The following HAL variants were observed in gnomAD, a reference collection of about 807,000 sequenced individuals.
The protein encoded by HAL is histidase.
Under a neutral mutation model 81.1 loss-of-function variants are expected in HAL, and 85 were observed. The observed-to-expected ratio is 1.05, with a 90% CI of 0.88 to 1.25. The LOEUF (loss-of-function observed/expected upper bound fraction) is 1.25, where lower values mean the gene tolerates loss of function less well. Among genes scored for constraint, HAL ranks in the 50% most tolerant of loss-of-function variants. The probability of loss-of-function intolerance (pLI) is 0.00; values close to 1 mark genes in which losing one functional copy is unlikely to be tolerated. For missense variants in HAL, 798 were observed against 836.6 expected (o/e 0.95, Z 0.57); for synonymous variants, 301 against 309.2 (o/e 0.97, Z 0.28).
At chr12:95,984,083 G>A (rs80039239) in intron 14 of HAL, 92 bp from the exon 15 acceptor site, 12 of 727,060 alleles carry the variant, frequency 1.7e-5, no homozygotes, top group East Asian at 2.7e-5. Flanking sequence ...TTATCTTAAA[G>A]TTATAAAGAA....
chr12:95,994,068 T>C, intron 5 of HAL, 22 bp downstream of exon 5: 1 of 1,605,386 alleles, frequency 6.2e-7, no homozygotes, highest in Non-Finnish European at 8.5e-7. Flanking sequence ...CCAGAGGACA[T>C]CTTTCCCCTC....
In HAL at chr12:95,988,192, C is replaced by A. The variant is rs147696850; in HGVS notation, c.903+1G>T. 5 of 1,446,430 alleles carry A rather than the reference C, an allele frequency of 3.5e-6. No individual in the cohort carries two copies. The highest frequency in any genetic ancestry group is 2.3e-5 in the East Asian group (1 of 44,072). The allele number at this position is 1,446,430 out of a possible 1,614,324, so 89.6% of individuals were successfully genotyped here. ...AACATATTTTTCTTGAGTTTCCTTA[C>A]CTCTTTTGGTTTTAAAATAACTGGT... On this transcript the variant is annotated splice_donor_variant, in intron 11 of 20. Coordinates refer to ENST00000261208, the MANE Select transcript of HAL (RefSeq NM_002108.4). LOFTEE classifies it high-confidence loss of function.
rs1457096098 is a variant in HAL at position 95,993,968 on chromosome 12, T to A, written c.442A>T (p.Lys148Ter). ...LTPTAEKRVQ[K>*]SREVIDSIIK... ...ATGCTATCTATGACCTCCCTGGATTTCTGCACCCTCTTCTCAGCTGTTGGG... is the reference window on the plus strand; with the variant it reads ...ATGCTATCTATGACCTCCCTGGATTACTGCACCCTCTTCTCAGCTGTTGGG... Residue 148 changes from lysine (K) to a stop codon, truncating the protein, a stop_gained, in exon 6 of 21, where the codon AAA (lysine) becomes TAA (stop). Transcript: ENST00000261208. LOFTEE classifies it high-confidence loss of function. The A allele has an allele frequency of 6.2e-7, 1 of 1,611,710 alleles. No individual in the cohort carries two copies. Among genetic ancestry groups the A allele is most frequent in the East Asian group, 2.2e-5 (1 of 44,888 alleles).
At position 95,996,007 on chromosome 12, in the gene HAL, T is replaced by C. The variant is rs1950032272; in HGVS notation, c.-81-16A>G. On this transcript the variant is annotated splice_polypyrimidine_tract_variant and intron_variant, in intron 1 of 20. Transcript: ENST00000261208. ...GTGTGGTCAGCTGGAAGGATGAGAA[T>C]AGACTTTCAAACCACTCCCCCTCCT... The C allele has an allele frequency of 6.3e-6, 8 of 1,266,358 alleles. No individual in the cohort carries two copies. The highest frequency in any genetic ancestry group is 2.9e-5 in the African/African-American group (2 of 68,270). The allele number at this position is 1,266,358 out of a possible 1,614,324, so 78.4% of individuals were successfully genotyped here.
At chr12:95,986,810 C>A (rs1273177213) in intron 12 of HAL, among the ~76,000 whole-genome samples, 3 of 152,092 alleles carry the variant, frequency 2.0e-5, no homozygotes, top group African/African-American at 7.2e-5. Context: ...CAGAGCTTGA[C>A]ACACCCAGAT....
At chr12:95,976,804 A>G (rs772517545) in intron 18 of HAL, 98 bp from the exon 19 acceptor site, 32 of 766,734 alleles carry the variant, frequency 4.2e-5, no homozygotes, top group Middle Eastern at 7.0e-4. Flanking sequence ...CCACCCAACT[A>G]ACAGATGGTT....
chr12:95,979,058 G>A (rs1280908491), intron 17 of HAL, among the ~76,000 whole-genome samples: 6 of 152,080 alleles, frequency 3.9e-5, no homozygotes, highest in East Asian at 1.9e-4. Flanking sequence ...AGGCTTGTTC[G>A]GAAAGATAAC....
chr12:95,988,276 A>G, intron 10 of HAL, 36 bp from the exon 11 acceptor site: 2 of 1,024,856 alleles, frequency 2.0e-6, no homozygotes, highest in East Asian at 2.4e-5. Context: ...ATGGGTATCA[A>G]ATGAAATACT....
rs371037109 is a variant in HAL at position 95,977,893 on chromosome 12, G to C, written c.1654+51C>G. 4 of 1,603,876 alleles carry C rather than the reference G, an allele frequency of 2.5e-6. No homozygotes were observed. The African/African-American group carries it at 5.4e-5, about 21-fold the overall frequency. ...TGGGAGATCCCACTTGAGAACCACG[G>C]GCACAGTGGTCTATCAGGCAGGCCC... On this transcript the variant is annotated intron_variant, in intron 18 of 20. Transcript: ENST00000261208.
intron 12 of HAL, 92 bp downstream of exon 12, chr12:95,986,975 C>T (rs77756364): frequency 0.13 from 136,245 of 1,081,078 alleles, 9,618 homozygotes; most frequent in Non-Finnish European, 0.15. Flanking sequence ...CTACTACCTG[C>T]CCCCACCACT....
chr12:95,995,674 G>A lies in HAL; in HGVS notation c.237C>T (p.Phe79=), dbSNP rs745952556. The change falls in exon 2 of 21, where the codon TTC becomes TTT. Residue 79 remains phenylalanine (F), a synonymous_variant. Transcript: ENST00000261208. ...CCTGCAGCCACTCACCCACTTCCAC[G>A]AACTCGTTGTTCTCTAGGGCCACCT... ...RLEVALENNE[F]VEVVIEGDAM... is the part of the protein sequence containing the mutation. 8 of 1,613,328 alleles carry A rather than the reference G, an allele frequency of 5.0e-6. No individual in the cohort carries two copies. The South Asian group carries it at 8.8e-5, about 18-fold the overall frequency.
At position 95,985,918 on chromosome 12, in the gene HAL, C is replaced by T; in HGVS notation, c.1196G>A (p.Cys399Tyr). 6.2e-7 allele frequency: 1 copy of T among 1,606,602 alleles called. No individual in the cohort carries two copies. The highest frequency in any genetic ancestry group is 8.5e-7 in the Non-Finnish European group (1 of 1,174,038). Reference protein sequence around the residue: ...DRVQDAYTLRCCPQVHGVVND... With the variant: ...DRVQDAYTLRYCPQVHGVVND... ...TTTTCTTTATTTTACCTGTGGACAG[C>T]AGCGCAAGGTGTATGCATCCTGGAC... The change falls in exon 14 of 21, where the codon TGC (cysteine) becomes TAC (tyrosine). Residue 399 changes from cysteine to tyrosine, a missense_variant. By Grantham distance (194) the Cys-to-Tyr change is radical. Coordinates refer to ENST00000261208, the MANE Select transcript of HAL (RefSeq NM_002108.4).
At chr12:95,990,311 A>G in intron 10 of HAL, 82 bp downstream of exon 10, 1 of 1,099,960 alleles carries the variant, frequency 9.1e-7, no homozygotes. Flanking sequence ...TGTTGTAAGG[A>G]CTAGGTGATA....
chr12:95,974,465 C>T, intron 20 of HAL, 93 bp from the exon 21 acceptor site: 1 of 1,097,938 alleles, frequency 9.1e-7, no homozygotes, highest in Admixed American at 1.7e-5. Context: ...AAAACATACT[C>T]TATACATGAC....
At chr12:95,982,742 A>G (rs943303011) in intron 15 of HAL, among the ~76,000 whole-genome samples, 4 of 152,256 alleles carry the variant, frequency 2.6e-5, no homozygotes, top group Admixed American at 1.3e-4. Flanking sequence ...TCACATAACC[A>G]TCTTCTAACT....
chr12:95,982,797 T>C (rs752439116), intron 15 of HAL, among the ~76,000 whole-genome samples: 17 of 152,222 alleles, frequency 1.1e-4, no homozygotes, highest in Non-Finnish European at 2.4e-4. Context: ...GCACTTTCTC[T>C]AGGATTCAGA....
Position 95,987,215 on chromosome 12 carries a change from C to A in HAL, c.904-1G>T. ...GCGTCCCATTGATGAGTGCCAGGCC[C>A]TGTCGGGGGAGAGAGCAAAGTTTCC... On this transcript the variant is annotated splice_acceptor_variant, in intron 11 of 20. Transcript: ENST00000261208. LOFTEE classifies it high-confidence loss of function. 6.2e-7 allele frequency: 1 copy of A among 1,613,618 alleles called. No individual in the cohort carries two copies. The highest frequency in any genetic ancestry group is 8.5e-7 in the Non-Finnish European group (1 of 1,179,508).
In HAL at chr12:95,986,113, G is replaced by A. The variant is rs771145104; in HGVS notation, c.1099C>T (p.Arg367Trp). 3.1e-5 allele frequency: 50 copies of A among 1,612,830 alleles called. 1 individual carries two copies. The highest frequency in any genetic ancestry group is 2.4e-4 in the South Asian group (22 of 91,056). ...PHRGQIEVAF[R>W]FRSLLDSDHH... The stretch of plus-strand genomic sequence containing the variant: ...TCTGAGTCCAAGAGTGACCGAAACC[G>A]AAAAGCAACTTCAATTTGCCCACGG... The change falls in exon 13 of 21, where the codon CGG (arginine) becomes TGG (tryptophan). Residue 367 changes from arginine (R) to tryptophan (W), a missense_variant. Physicochemically the swap from Arg to Trp is moderately radical, Grantham distance 101. Transcript: ENST00000261208.
chr12:95,990,988 T>C (rs895944903), intron 9 of HAL, among the ~76,000 whole-genome samples: 2 of 152,158 alleles, frequency 1.3e-5, no homozygotes, highest in Non-Finnish European at 1.5e-5. Context: ...TGCATGCCTG[T>C]AGTCCCAACT....
Sources: gnomAD v4.1 joint callset for allele counts (sites outside exome capture counted in the v4.1 genomes callset) on GRCh38, gnomAD v4.1.1 for gene constraint, MANE v1.5 for transcripts, NCBI Gene and HGNC (gene_info 2026-07-23, HGNC 2026-07-21) for gene names.